Variants in CD44 observed in about 807,000 individuals in gnomAD.
CD44 encodes CD44 antigen.
In CD44, 49 loss-of-function variants were observed where a neutral mutation model predicts 88.8. The ratio of observed to expected loss-of-function variants is 0.55; its 90% CI spans 0.44 to 0.70. The LOEUF is 0.70. Among genes scored for constraint, CD44 ranks in the 30% least tolerant of loss-of-function variants. The pLI is 0.00. For synonymous variants in CD44, 325 were observed against 312.3 expected (o/e 1.04, Z -0.43); for missense variants, 883 against 913.8 (o/e 0.97, Z 0.43).
chr11:35,205,489 G>A (rs1423960770), intron 10 of CD44, among the ~76,000 whole-genome samples: 1 of 152,182 alleles, frequency 6.6e-6, no homozygotes, highest in African/African-American at 2.4e-5. Context: ...GTTGCTAAGA[G>A]GATGCTATTG....
rs1947677352 is a variant in CD44, at chr11:35,204,875, C to T, written c.1282+235C>T. The T allele has an allele frequency of 1.4e-5, 6 of 429,362 alleles. No homozygotes were observed. In the South Asian group the frequency reaches 1.6e-4, roughly 11 times the overall value. 26.6% of individuals were successfully genotyped at this position (429,362 alleles called of 1,614,324 possible). On this transcript the variant is annotated intron_variant, in intron 10 of 17. Transcript: ENST00000428726. The stretch of plus-strand genomic sequence containing the variant: ...AAGAACAGGAAACACAGAGAAAATG[C>T]CCTTGAACATGTCTCTTTCACATCG...
At chr11:35,194,636 C>T (rs1313630099) in intron 5 of CD44, among the ~76,000 whole-genome samples, 2 of 152,202 alleles carry the variant, frequency 1.3e-5, no homozygotes, top group Admixed American at 1.3e-4. Flanking sequence ...AAATCTCCTT[C>T]ATCATTCTTA....
intron 1 of CD44, among the ~76,000 whole-genome samples, chr11:35,146,920 T>C (rs936543735): frequency 6.6e-6 from 1 of 152,198 alleles, no homozygotes; most frequent in East Asian, 1.9e-4. Flanking sequence ...AGGAGGAAGT[T>C]GTAATGGAAA....
intron 12 of CD44, 24 bp downstream of exon 12, chr11:35,208,230 C>T: frequency 7.0e-7 from 1 of 1,433,350 alleles, no homozygotes; most frequent in Non-Finnish European, 9.8e-7. Flanking sequence ...TGCTCAGCCA[C>T]TTTATTGACT....
intron 1 of CD44, among the ~76,000 whole-genome samples, chr11:35,172,637 C>T (rs1944031646): frequency 6.6e-6 from 1 of 152,126 alleles, no homozygotes; most frequent in African/African-American, 2.4e-5. Flanking sequence ...TTCTTTGGGA[C>T]ATTGTCCTGA....
chr11:35,164,985 T>G (rs759738749), intron 1 of CD44, among the ~76,000 whole-genome samples: 20 of 152,188 alleles, frequency 1.3e-4, no homozygotes, highest in Non-Finnish European at 2.6e-4. Context: ...CATCGTCACT[T>G]TGATTGGCCC....
At chr11:35,218,672 A>G (rs1267390113) in intron 15 of CD44, among the ~76,000 whole-genome samples, 1 of 152,126 alleles carries the variant, frequency 6.6e-6, no homozygotes, top group East Asian at 1.9e-4. Context: ...TGAGATTTTC[A>G]GGTTCCCTTT....
rs942582246 is a variant in CD44 at position 35,232,196 on chromosome 11, A to G, written c.*2863A>G. On this transcript the variant is annotated 3_prime_UTR_variant, in exon 18 of 18. Transcript: ENST00000428726. ...TGTAAATCATTTGTTTTGAGTTTTC[A>G]AAGAATAGCCCATTGTTCATTCTTG... 6 of 152,656 alleles carry G rather than the reference A, an allele frequency of 3.9e-5. No homozygotes were observed. The highest frequency in any genetic ancestry group is 1.4e-4 in the African/African-American group (6 of 41,466). 9.5% of individuals were successfully genotyped at this position (152,656 alleles called of 1,614,324 possible). A position where few individuals can be genotyped will look rare whatever the true frequency, so the allele number is the denominator to read the frequency against.
intron 14 of CD44, 60 bp downstream of exon 14, chr11:35,211,509 C>T: frequency 8.0e-7 from 1 of 1,255,276 alleles, no homozygotes; most frequent in Non-Finnish European, 1.2e-6. Flanking sequence ...TATATAGTTT[C>T]ATATTACAGA....
chr11:35,173,019 A>G (rs982923019), intron 1 of CD44, among the ~76,000 whole-genome samples: 1 of 152,240 alleles, frequency 6.6e-6, no homozygotes, highest in Non-Finnish European at 1.5e-5. Context: ...CATGAAACTC[A>G]AGGGATTTTA....
intron 17 of CD44, among the ~76,000 whole-genome samples, chr11:35,225,126 A>AAGCACTTGACCTATGGCTAGTTC (rs368894432): frequency 6.6e-6 from 1 of 150,828 alleles, no homozygotes; most frequent in Non-Finnish European, 1.5e-5. Context: ...TGGCTAGTTC[A>AAGCACTTGACCTATGGCTAGTTC]ACTGAGGAAG....
rs1444025576 is a variant in CD44 at position 35,229,154 on chromosome 11, A to G, written c.2050A>G (p.Ile684Val). 2 of 1,614,032 alleles carry G rather than the reference A, an allele frequency of 1.2e-6. No individual in the cohort carries two copies. Among genetic ancestry groups the G allele is most frequent in the Non-Finnish European group, 1.7e-6 (2 of 1,179,920 alleles). The change falls in exon 18 of 18, where the codon ATC becomes GTC. Residue 684 changes from isoleucine (I) to valine (V), a missense_variant. Around this residue, in one of 2 missense-constraint regions of CD44, gnomAD observed 631 missense variants for 590.9 expected, o/e 1.07. Coordinates refer to ENST00000428726, the MANE Select transcript of CD44 (RefSeq NM_000610.4). Reference protein sequence around the residue: ...RRCGQKKKLVINSGNGAVEDR... With the variant: ...RRCGQKKKLVVNSGNGAVEDR... ...GTGTGGGCAGAAGAAAAAGCTAGTGATCAACAGTGGCAATGGAGCTGTGGA... is the reference window on the plus strand; with the variant it reads ...GTGTGGGCAGAAGAAAAAGCTAGTGGTCAACAGTGGCAATGGAGCTGTGGA...
intron 2 of CD44, among the ~76,000 whole-genome samples, chr11:35,177,845 A>T (rs1456832069): frequency 1.3e-5 from 2 of 152,252 alleles, no homozygotes; most frequent in African/African-American, 4.8e-5. Context: ...TTAAAACTTT[A>T]GTTCTTCACT....
At chr11:35,204,323 A>G (rs567210023) in intron 9 of CD44, among the ~76,000 whole-genome samples, 189 bp from the exon 10 acceptor site, 2 of 152,338 alleles carry the variant, frequency 1.3e-5, no homozygotes, top group East Asian at 3.9e-4. Context: ...TTCCTAGCTG[A>G]AAAATTAAAC....
chr11:35,228,759 G>A (rs150191908), intron 17 of CD44, among the ~76,000 whole-genome samples: 303 of 152,310 alleles, frequency 2.0e-3, no homozygotes, highest in African/African-American at 6.9e-3. Flanking sequence ...TGACTGTGCA[G>A]AGAAGCCCCT....
At chr11:35,173,161 A>AT (rs906419627) in intron 1 of CD44, among the ~76,000 whole-genome samples, 1 of 152,230 alleles carries the variant, frequency 6.6e-6, no homozygotes, top group African/African-American at 2.4e-5. Context: ...CTCAGAGTTG[A>AT]TTTTTAACCT....
At chr11:35,217,039 C>G (rs983098624) in intron 15 of CD44, among the ~76,000 whole-genome samples, 7 of 152,212 alleles carry the variant, frequency 4.6e-5, no homozygotes, top group African/African-American at 1.7e-4. Context: ...CTTTGTGGAA[C>G]TTGCTACTGT....
At chr11:35,224,311 C>T (rs1026435266) in intron 17 of CD44, among the ~76,000 whole-genome samples, 1 of 152,178 alleles carries the variant, frequency 6.6e-6, no homozygotes, top group Non-Finnish European at 1.5e-5. Flanking sequence ...CTCATGTCAC[C>T]TGACTCCTTG....
rs1179496474 is a variant in CD44 at position 35,229,131 on chromosome 11, G to A, written c.2027G>A (p.Cys676Tyr). ...VCIAVNSRRR[C>Y]GQKKKLVINS... is the part of the protein sequence containing the mutation. ...TGGTACATTTTTTAAATTATTAGGT[G>A]TGGGCAGAAGAAAAAGCTAGTGATC... The change falls in exon 18 of 18, where the codon TGT (cysteine) becomes TAT (tyrosine). Residue 676 changes from cysteine to tyrosine, a missense_variant and splice_region_variant. This residue lies in a region of CD44 where 631 missense variants were observed against 590.9 expected (regional missense o/e 1.07). Coordinates refer to ENST00000428726, the MANE Select transcript of CD44 (RefSeq NM_000610.4). The A allele has an allele frequency of 5.6e-6, 9 of 1,612,942 alleles. No homozygotes were observed. Among genetic ancestry groups the A allele is most frequent in the Non-Finnish European group, 7.6e-6 (9 of 1,179,338 alleles).
Sources: gnomAD v4.1 joint callset for allele counts (sites outside exome capture counted in the v4.1 genomes callset) on GRCh38, gnomAD v4.1.1 for gene constraint, gnomAD v4.1.1 regional missense constraint, MANE v1.5 for transcripts, NCBI Gene and HGNC (gene_info 2026-07-23, HGNC 2026-07-21) for gene names.